DGKI: variants seen among roughly 807,000 people sequenced by gnomAD.
DGKI encodes diacylglycerol kinase iota.
Under a neutral mutation model 147.5 loss-of-function variants are expected in DGKI, and 55 were observed. That is an observed-to-expected ratio of 0.37 (90% CI 0.30 to 0.47). The LOEUF (loss-of-function observed/expected upper bound fraction) is 0.47. Among genes scored for constraint, DGKI ranks in the 20% least tolerant of loss-of-function variants. DGKI has a pLI of 1.00. For missense variants in DGKI, 1,007 were observed against 1,323.8 expected (o/e 0.76, Z 3.71); for synonymous variants, 469 against 477.1 (o/e 0.98, Z 0.22).
intron 1 of DGKI, among the ~76,000 whole-genome samples, chr7:137,694,188 G>GC (rs1398624511): frequency 6.6e-6 from 1 of 152,062 alleles, no homozygotes; most frequent in Non-Finnish European, 1.5e-5. Flanking sequence ...GGGCGAGGTG[G>GC]CGGGCGCCTG....
At chr7:137,450,498 C>G (rs1339682661) in intron 27 of DGKI, among the ~76,000 whole-genome samples, 3 of 152,130 alleles carry the variant, frequency 2.0e-5, no homozygotes, top group Admixed American at 2.0e-4. Context: ...GCGGGCAGAT[C>G]ACCTGAGATC....
At chr7:137,561,172 C>T (rs943400393) in intron 19 of DGKI, among the ~76,000 whole-genome samples, 3 of 151,818 alleles carry the variant, frequency 2.0e-5, no homozygotes, top group African/African-American at 7.3e-5. Flanking sequence ...ATGGAAACTG[C>T]CTAGGTGTCC....
chr7:137,497,347 T>A (rs188618565), intron 21 of DGKI, among the ~76,000 whole-genome samples: 1 of 152,278 alleles, frequency 6.6e-6, no homozygotes, highest in East Asian at 1.9e-4. Flanking sequence ...CTAATGGGAA[T>A]GTAAATTATT....
Position 137,664,333 on chromosome 7 carries a change from G to A in DGKI, c.607-7793C>T, listed in dbSNP as rs186031077. 1.7e-4 allele frequency among the ~76,000 whole-genome samples: 24 copies of A among 141,692 alleles called. No homozygotes were observed. The East Asian group carries it at 5.0e-3, about 30-fold the overall frequency. The allele number at this position is 141,692 out of a possible 152,430, so 93.0% of individuals were successfully genotyped here. ...GTGGAGGTTGCAGTGAACTGAGACT[G>A]TGCCACTGCACTCCAGGCTGGGTGA... On this transcript the variant is annotated intron_variant, in intron 3 of 32. Transcript: ENST00000614521.
intron 6 of DGKI, among the ~76,000 whole-genome samples, chr7:137,638,517 T>C (rs1585314800): frequency 3.4e-5 from 4 of 116,432 alleles, no homozygotes; most frequent in East Asian, 2.7e-4. Context: ...TATATGTGTG[T>C]ATATATATAC....
chr7:137,571,010 T>C (rs1000386912), intron 19 of DGKI, among the ~76,000 whole-genome samples, 165 bp downstream of exon 19: 1 of 152,234 alleles, frequency 6.6e-6, no homozygotes, highest in Non-Finnish European at 1.5e-5. Flanking sequence ...GTTTTCTTAG[T>C]GACATAAATG....
intron 27 of DGKI, among the ~76,000 whole-genome samples, chr7:137,452,142 C>A (rs138217308): frequency 6.6e-6 from 1 of 152,196 alleles, no homozygotes; most frequent in Non-Finnish European, 1.5e-5. Context: ...ACTGCTAAAC[C>A]ATCACCTGGT....
chr7:137,477,814 G>A lies in DGKI; in HGVS notation c.2373+7560C>T, dbSNP rs553221937. ...TGGGACTACAGGCACATGCTACAGC[G>A]CCCGGCTAATTTTGGGGTTGTTTTT... On this transcript the variant is annotated intron_variant, in intron 23 of 32. Coordinates refer to ENST00000614521, the MANE Select transcript of DGKI (RefSeq NM_001321708.2). Among the ~76,000 whole-genome samples, 17 of 152,042 alleles carry A rather than the reference G, an allele frequency of 1.1e-4. No homozygotes were observed. In the East Asian group the frequency reaches 2.9e-3, roughly 26 times the overall value.
At chr7:137,447,285 G>T (rs933892066) in intron 27 of DGKI, among the ~76,000 whole-genome samples, 38 of 152,104 alleles carry the variant, frequency 2.5e-4, no homozygotes, top group African/African-American at 9.2e-4. Context: ...ACCAGGCCAT[G>T]TGCCAAGGGA....
chr7:137,402,401 G>A (rs909876088), intron 30 of DGKI, among the ~76,000 whole-genome samples: 4 of 152,164 alleles, frequency 2.6e-5, no homozygotes, highest in Non-Finnish European at 5.9e-5. Context: ...CAGGGAATGC[G>A]AAAGGAAGCA....
chr7:137,402,378 T>C (rs1448389092), intron 30 of DGKI, among the ~76,000 whole-genome samples: 2 of 152,176 alleles, frequency 1.3e-5, no homozygotes, highest in Non-Finnish European at 2.9e-5. Flanking sequence ...CACATCAGTA[T>C]TCAGGAGACA....
chr7:137,542,955 C>G (rs954968885), intron 20 of DGKI, among the ~76,000 whole-genome samples: 1 of 151,996 alleles, frequency 6.6e-6, no homozygotes, highest in African/African-American at 2.4e-5. Flanking sequence ...GAAGTAAACA[C>G]TCAATAATGT....
intron 27 of DGKI, among the ~76,000 whole-genome samples, chr7:137,455,054 A>C (rs1449098853): frequency 6.6e-6 from 1 of 152,184 alleles, no homozygotes; most frequent in Admixed American, 6.5e-5. Flanking sequence ...GTAAGGGCTC[A>C]GCCACAGCTA....
chr7:137,839,269 A>T (rs1798480428), intron 1 of DGKI, among the ~76,000 whole-genome samples: 1 of 152,260 alleles, frequency 6.6e-6, no homozygotes, highest in Non-Finnish European at 1.5e-5. Context: ...TTAATAAGTT[A>T]TGAAAGAAAA....
At chr7:137,790,366 G>A (rs1053445314) in intron 1 of DGKI, among the ~76,000 whole-genome samples, 6 of 152,156 alleles carry the variant, frequency 3.9e-5, no homozygotes, top group East Asian at 1.9e-4. Context: ...ACTGACTCTG[G>A]ATATGACTGC....
chr7:137,700,336 G>A (rs1197833291), intron 1 of DGKI, among the ~76,000 whole-genome samples: 1 of 152,142 alleles, frequency 6.6e-6, no homozygotes, highest in Non-Finnish European at 1.5e-5. Context: ...AAGGGCGTGT[G>A]GTTTTGGAGA....
chr7:137,653,106 G>T (rs1449968542), intron 5 of DGKI, among the ~76,000 whole-genome samples: 1 of 151,914 alleles, frequency 6.6e-6, no homozygotes, highest in Non-Finnish European at 1.5e-5. Context: ...TTTTTCAGGT[G>T]TGTGTGTGTG....
chr7:137,676,229 G>A (rs944833768), intron 3 of DGKI, among the ~76,000 whole-genome samples: 1 of 152,102 alleles, frequency 6.6e-6, no homozygotes, highest in Admixed American at 6.5e-5. Context: ...CCAACCAGCA[G>A]CAACTATTAC....
At chr7:137,470,753 C>A (rs138568201) in intron 23 of DGKI, among the ~76,000 whole-genome samples, 406 of 152,110 alleles carry the variant, frequency 2.7e-3, no homozygotes, top group Non-Finnish European at 4.8e-3. Context: ...TCCTTTCTTG[C>A]CCTTCCAAAC....
Sources: gnomAD v4.1 joint callset for allele counts (sites outside exome capture counted in the v4.1 genomes callset) on GRCh38, gnomAD v4.1.1 for gene constraint, MANE v1.5 for transcripts, NCBI Gene and HGNC (gene_info 2026-07-23, HGNC 2026-07-21) for gene names.